PRIM2: variants seen among roughly 807,000 people sequenced by gnomAD.
PRIM2 encodes the protein DNA primase large subunit.
PRIM2 carries 39 observed loss-of-function variants against 67.3 expected under a neutral mutation model. The ratio of observed to expected loss-of-function variants is 0.58; its 90% CI spans 0.45 to 0.76. The LOEUF (loss-of-function observed/expected upper bound fraction) is 0.76, where lower values mean the gene tolerates loss of function less well. Ranked by LOEUF, PRIM2 falls within the 30% of genes least tolerant of loss-of-function variation. PRIM2 has a pLI of 0.00. For synonymous variants in PRIM2, 143 were observed against 198.7 expected, an observed-to-expected ratio of 0.72 and a Z score of 2.36; for missense variants, 398 against 598.7, an observed-to-expected ratio of 0.66 and a Z score of 3.50.
At chr6:57,561,731 T>C (rs1165724196) in intron 10 of PRIM2, among the ~76,000 whole-genome samples, 1 of 152,226 alleles carries the variant, frequency 6.6e-6, no homozygotes, top group Non-Finnish European at 1.5e-5. Context: ...ACATATTCAC[T>C]GGAGAATCAC....
chr6:57,502,046 C>A (rs1774142356), intron 7 of PRIM2, among the ~76,000 whole-genome samples: 1 of 152,100 alleles, frequency 6.6e-6, no homozygotes, highest in Admixed American at 6.6e-5. Context: ...CCACCAAAAA[C>A]CAGAGAGACA....
chr6:57,433,065 A>C (rs1771886150), intron 7 of PRIM2, among the ~76,000 whole-genome samples: 3 of 152,196 alleles, frequency 2.0e-5, no homozygotes, highest in African/African-American at 4.8e-5. Flanking sequence ...ATTTTATTGG[A>C]ACACAGTCAT....
chr6:57,522,681 G>A (rs1240426217), intron 8 of PRIM2, among the ~76,000 whole-genome samples: 1 of 152,058 alleles, frequency 6.6e-6, no homozygotes, highest in Admixed American at 6.5e-5. Context: ...TAATCACTAT[G>A]AAAAATTGTG....
At chr6:57,347,901 C>G (rs1044750328) in intron 5 of PRIM2, among the ~76,000 whole-genome samples, 1 of 152,170 alleles carries the variant, frequency 6.6e-6, no homozygotes, top group African/African-American at 2.4e-5. Flanking sequence ...CACAGCTTAA[C>G]TATTGAAATG....
At chr6:57,339,077 C>G (rs1768377324) in intron 5 of PRIM2, among the ~76,000 whole-genome samples, 1 of 151,748 alleles carries the variant, frequency 6.6e-6, no homozygotes, top group Non-Finnish European at 1.5e-5. Context: ...AAACAGAGAG[C>G]CAAATCACGA....
intron 10 of PRIM2, among the ~76,000 whole-genome samples, chr6:57,557,987 C>CA (rs1775549614): frequency 2.0e-5 from 3 of 152,138 alleles, no homozygotes; most frequent in African/African-American, 7.2e-5. Flanking sequence ...AGACATTAGT[C>CA]TCCTGAGAGG....
the PRIM2 span, among the ~76,000 whole-genome samples, chr6:57,230,052 G>A: frequency 3.3e-5 from 5 of 152,170 alleles, no homozygotes; most frequent in Non-Finnish European, 5.9e-5. Context: ...AAAGATGTGG[G>A]AACAGCATTT....
intron 2 of PRIM2, among the ~76,000 whole-genome samples, chr6:57,320,091 A>G (rs977977641): frequency 6.6e-6 from 1 of 152,202 alleles, no homozygotes; most frequent in African/African-American, 2.4e-5. Flanking sequence ...TGCCAAGTAA[A>G]TGATGCCTAC....
chr6:57,437,237 T>C (rs1443121213), intron 7 of PRIM2, among the ~76,000 whole-genome samples: 1 of 152,232 alleles, frequency 6.6e-6, no homozygotes, highest in African/African-American at 2.4e-5. Flanking sequence ...AAACCATTCA[T>C]GAGAAATCCA....
the PRIM2 span, among the ~76,000 whole-genome samples, chr6:57,262,998 A>G: frequency 6.6e-6 from 1 of 152,196 alleles, no homozygotes; most frequent in Admixed American, 6.5e-5. Flanking sequence ...TGAGGTCTAG[A>G]TGACTTCTGT....
chr6:57,419,906 C>T (rs534856534), intron 7 of PRIM2, among the ~76,000 whole-genome samples: 1 of 152,168 alleles, frequency 6.6e-6, no homozygotes, highest in African/African-American at 2.4e-5. Context: ...TTAGACTCAC[C>T]TCTCACAGGA....
At chr6:57,346,832 G>A (rs4715659) in intron 5 of PRIM2, among the ~76,000 whole-genome samples, 2 of 152,264 alleles carry the variant, frequency 1.3e-5, no homozygotes, top group Non-Finnish European at 2.9e-5. Context: ...TGTGTTCTCA[G>A]TCTTTGAGTG....
intron 5 of PRIM2, among the ~76,000 whole-genome samples, chr6:57,336,378 G>A (rs1420663107): frequency 7.2e-5 from 11 of 152,026 alleles, no homozygotes; most frequent in Admixed American, 1.3e-4. Context: ...GATACTCCTC[G>A]AGAAGAGCAA....
intron 7 of PRIM2, among the ~76,000 whole-genome samples, chr6:57,433,293 G>T (rs1771893876): frequency 6.6e-6 from 1 of 151,722 alleles, no homozygotes; most frequent in African/African-American, 2.4e-5. Flanking sequence ...CAATGTGCAG[G>T]TTAGTTACAT....
chr6:57,556,359 C>G (rs1775513346), intron 10 of PRIM2, among the ~76,000 whole-genome samples: 1 of 152,138 alleles, frequency 6.6e-6, no homozygotes, highest in Non-Finnish European at 1.5e-5. Context: ...AAGAACAAAG[C>G]TGGAGGCATC....
intron 7 of PRIM2, among the ~76,000 whole-genome samples, chr6:57,475,129 T>C (rs1773444945): frequency 6.6e-6 from 1 of 152,232 alleles, no homozygotes; most frequent in South Asian, 2.1e-4. Flanking sequence ...CTCTCACAGA[T>C]ATAAATACAG....
chr6:57,632,500 A>G (rs1427723871), intron 13 of PRIM2, among the ~76,000 whole-genome samples: 1 of 152,168 alleles, frequency 6.6e-6, no homozygotes, highest in Non-Finnish European at 1.5e-5. Context: ...GTTTTTCTGT[A>G]AAGAGCCAGA....
At chr6:57,224,409 G>A in the PRIM2 span, among the ~76,000 whole-genome samples, 6 of 152,186 alleles carry the variant, frequency 3.9e-5, no homozygotes, top group African/African-American at 1.2e-4. Flanking sequence ...AGACAGTTGG[G>A]GGGTGGGAAG....
intron 5 of PRIM2, among the ~76,000 whole-genome samples, chr6:57,371,598 T>C (rs1297349531): frequency 6.6e-6 from 1 of 152,226 alleles, no homozygotes. Context: ...ATTATTCTTA[T>C]TAATGGTGGG....
Sources: allele counts gnomAD v4.1 joint callset (sites outside exome capture counted in the v4.1 genomes callset), GRCh38; gene constraint gnomAD v4.1.1; transcripts MANE v1.5; gene names NCBI Gene and HGNC (gene_info 2026-07-23, HGNC 2026-07-21).